Variants in TXK observed in about 807,000 individuals in gnomAD.
The protein encoded by TXK is TXK tyrosine kinase.
Under a neutral mutation model 81.0 loss-of-function variants are expected in TXK, and 60 were observed. The ratio of observed to expected loss-of-function variants is 0.74; its 90% CI spans 0.60 to 0.92. The LOEUF (loss-of-function observed/expected upper bound fraction) is 0.92. Ranked by LOEUF, TXK falls within the 40% of genes least tolerant of loss-of-function variation. The pLI, the probability that TXK is intolerant of heterozygous loss-of-function variation, is 0.00. For synonymous variants in TXK, 203 were observed against 210.7 expected, an observed-to-expected ratio of 0.96 and a Z score of 0.32; for missense variants, 581 against 638.3, an observed-to-expected ratio of 0.91 and a Z score of 0.97.
rs375701019 is a variant in TXK, at chr4:48,067,871, G to A, written c.1516-166C>T. Reference sequence around the variant, plus strand: ...AAAAATTCAAAAAATTGCCACCTGCGGCATAAATAGGCTAAGGATCACTCA... The same window carrying A: ...AAAAATTCAAAAAATTGCCACCTGCAGCATAAATAGGCTAAGGATCACTCA... On this transcript the variant is annotated intron_variant, in intron 14 of 14. Coordinates refer to ENST00000264316, the MANE Select transcript of TXK (RefSeq NM_003328.3). 1.8e-3 allele frequency among the ~76,000 whole-genome samples: 274 copies of A among 152,208 alleles called. 5 individuals carry two copies. The South Asian group carries it at 0.019, about 10-fold the overall frequency.
chr4:48,118,646 T>C (rs939539044), intron 1 of TXK, among the ~76,000 whole-genome samples: 1 of 152,200 alleles, frequency 6.6e-6, no homozygotes, highest in Non-Finnish European at 1.5e-5. Flanking sequence ...AAAATATTCC[T>C]AGGGGTTTGT....
chr4:48,080,885 T>C (rs1408182234), intron 10 of TXK, among the ~76,000 whole-genome samples: 2 of 152,160 alleles, frequency 1.3e-5, no homozygotes, highest in African/African-American at 2.4e-5. Context: ...TTAGAAGATG[T>C]ACCTTGTGTC....
intron 7 of TXK, among the ~76,000 whole-genome samples, chr4:48,094,740 T>G (rs1213275910): frequency 6.6e-6 from 1 of 152,186 alleles, no homozygotes; most frequent in African/African-American, 2.4e-5. Context: ...GCTCCTGGGA[T>G]GTTACCTCTC....
At chr4:48,127,058 TTAATTA>T (rs2109486570) in intron 1 of TXK, among the ~76,000 whole-genome samples, 1 of 152,372 alleles carries the variant, frequency 6.6e-6, no homozygotes, top group Non-Finnish European at 1.5e-5. Context: ...TACCACTGCT[TTAATTA>T]TGACCCAATT....
intron 6 of TXK, among the ~76,000 whole-genome samples, chr4:48,097,416 C>A (rs1205244577): frequency 7.7e-6 from 1 of 130,674 alleles, no homozygotes. Context: ...TTTTAAAAAG[C>A]TACCACTTTT....
intron 6 of TXK, among the ~76,000 whole-genome samples, chr4:48,097,984 C>T (rs1178342992): frequency 2.1e-5 from 3 of 144,554 alleles, no homozygotes; most frequent in African/African-American, 7.7e-5. Context: ...CCTCACCTTG[C>T]GATCCGCCCG....
At chr4:48,112,786 G>A (rs1042048785) in intron 3 of TXK, among the ~76,000 whole-genome samples, 1 of 151,888 alleles carries the variant, frequency 6.6e-6, no homozygotes, top group Non-Finnish European at 1.5e-5. Flanking sequence ...AAAAGATGAT[G>A]TACTCCTCTT....
Position 48,086,586 on chromosome 4 carries a change from C to T in TXK, c.836G>A (p.Ser279Asn), listed in dbSNP as rs757670927. The part of the protein sequence containing the change: ...SELAFIKEIG[S>N]GQFGVVHLGE... ...TAAATGGACCACTCCAAACTGACCG[C>T]TTCCAATCTCCTTTATAAAAGCCAA... The change falls in exon 10 of 15, where the codon AGC (serine) becomes AAC (asparagine). Residue 279 changes from serine to asparagine, a missense_variant. Physicochemically the swap from Ser to Asn is conservative, Grantham distance 46. Coordinates refer to ENST00000264316, the MANE Select transcript of TXK (RefSeq NM_003328.3). 4.1e-5 allele frequency: 66 copies of T among 1,613,992 alleles called. 1 individual carries two copies. The highest frequency in any genetic ancestry group is 5.6e-5 in the Non-Finnish European group (66 of 1,179,996).
intron 8 of TXK, among the ~76,000 whole-genome samples, chr4:48,093,134 A>T (rs1717842612): frequency 1.3e-5 from 2 of 152,294 alleles, no homozygotes; most frequent in South Asian, 4.2e-4. Flanking sequence ...TAAGACCTTT[A>T]TTGCCCCACC....
chr4:48,089,760 C>G lies in TXK; in HGVS notation c.774G>C (p.Gly258=), dbSNP rs765099505. 5 of 1,613,326 alleles carry G rather than the reference C, an allele frequency of 3.1e-6. No individual in the cohort carries two copies. Among genetic ancestry groups the G allele is most frequent in the Non-Finnish European group, 4.2e-6 (5 of 1,179,410 alleles). The change falls in exon 9 of 15, where the codon GGG becomes GGC. Residue 258 remains glycine, a synonymous_variant. Transcript: ENST00000264316. The stretch of plus-strand genomic sequence containing the variant: ...GTGTGCACACTTTACCGTAGCTAAA[C>G]CCAGCTGTGGCTGGTAAACAACTGC... The part of the protein sequence containing the change: ...LMGSCLPATA[G]FSYEKWEIDP...
At chr4:48,086,866 A>C (rs1186911263) in intron 9 of TXK, among the ~76,000 whole-genome samples, 2 of 152,222 alleles carry the variant, frequency 1.3e-5, no homozygotes, top group Admixed American at 6.5e-5. Context: ...ATAACAAATT[A>C]AGGATAACAA....
At chr4:48,093,215 T>A (rs1273486900) in intron 8 of TXK, among the ~76,000 whole-genome samples, 3 of 152,218 alleles carry the variant, frequency 2.0e-5, no homozygotes, top group Admixed American at 2.0e-4. Context: ...CACAAGTGGA[T>A]AAAAATGTCC....
chr4:48,098,469 T>C lies in TXK; in HGVS notation c.502-3247A>G, dbSNP rs567017244. 8.3e-4 allele frequency among the ~76,000 whole-genome samples: 126 copies of C among 152,346 alleles called. No homozygotes were observed. The Middle Eastern group carries it at 0.014, about 16-fold the overall frequency. On this transcript the variant is annotated intron_variant, in intron 6 of 14. Coordinates refer to ENST00000264316, the MANE Select transcript of TXK (RefSeq NM_003328.3). ...ACAGTTACTTTTGCACCAACATATATAGCAGCGCTAAGGAGAAAAACCACA... is the reference window on the plus strand; with the variant it reads ...ACAGTTACTTTTGCACCAACATATACAGCAGCGCTAAGGAGAAAAACCACA...
Position 48,067,601 on chromosome 4 carries a change from G to C in TXK, c.*36C>G, listed in dbSNP as rs376179943. The C allele has an allele frequency of 6.9e-6, 11 of 1,602,546 alleles. No homozygotes were observed. Among genetic ancestry groups the C allele is most frequent in the Non-Finnish European group, 9.4e-6 (11 of 1,169,564 alleles). On this transcript the variant is annotated 3_prime_UTR_variant, in exon 15 of 15. Coordinates refer to ENST00000264316, the MANE Select transcript of TXK (RefSeq NM_003328.3). ...GATATTCACAATAAATGACAGTTTT[G>C]CAAGATGACTCTTTGGGTTGGCATT...
intron 5 of TXK, chr4:48,106,229 A>G (rs1263732519): frequency 2.6e-5 from 4 of 152,222 alleles, no homozygotes; most frequent in African/African-American, 9.6e-5. Flanking sequence ...ACTTAATCTA[A>G]TATTGCCAGA....
intron 10 of TXK, among the ~76,000 whole-genome samples, chr4:48,080,697 C>CACAG (rs1407433874): frequency 6.7e-6 from 1 of 149,378 alleles, no homozygotes; most frequent in Non-Finnish European, 1.5e-5. Context: ...CACACACACA[C>CACAG]ACACACAAAG....
intron 10 of TXK, among the ~76,000 whole-genome samples, chr4:48,085,545 T>C (rs533638958): frequency 6.6e-6 from 1 of 152,256 alleles, no homozygotes; most frequent in East Asian, 1.9e-4. Flanking sequence ...CCTTCAAGCC[T>C]GGAAACCTGC....
chr4:48,131,973 C>T (rs940633058), intron 1 of TXK, among the ~76,000 whole-genome samples: 4 of 150,934 alleles, frequency 2.7e-5, no homozygotes, highest in African/African-American at 9.8e-5. Flanking sequence ...TTACAGGAGG[C>T]TTGTTCTTAT....
At chr4:48,090,884 T>G (rs1009167915) in intron 8 of TXK, among the ~76,000 whole-genome samples, 6 of 152,256 alleles carry the variant, frequency 3.9e-5, no homozygotes, top group African/African-American at 1.4e-4. Flanking sequence ...ATGAAGAGCC[T>G]TCCAGGTAGA....
Sources: allele counts gnomAD v4.1 joint callset (sites outside exome capture counted in the v4.1 genomes callset), GRCh38; gene constraint gnomAD v4.1.1; transcripts MANE v1.5; gene names NCBI Gene and HGNC (gene_info 2026-07-23, HGNC 2026-07-21).